Variants in LVRN observed in about 807,000 individuals in gnomAD.
LVRN encodes laeverin.
Under a neutral mutation model 111.4 loss-of-function variants are expected in LVRN, and 99 were observed. The observed-to-expected ratio is 0.89, with a 90% CI of 0.76 to 1.05. The LOEUF is 1.05. LVRN is among the 50% of genes least tolerant of loss of function. The pLI is 0.00. For synonymous variants in LVRN, 488 were observed against 449.5 expected (o/e 1.09, Z -1.08); for missense variants, 1,414 against 1,206.8 (o/e 1.17, Z -2.54).
At chr5:115,984,245 T>C (rs1427725606) in intron 2 of LVRN, among the ~76,000 whole-genome samples, 1 of 152,130 alleles carries the variant, frequency 6.6e-6, no homozygotes, top group Admixed American at 6.6e-5. Context: ...GATTAAGTGT[T>C]GTGAGAAATG....
chr5:115,978,414 A>G (rs1753491688), intron 1 of LVRN, among the ~76,000 whole-genome samples: 1 of 152,182 alleles, frequency 6.6e-6, no homozygotes, highest in Non-Finnish European at 1.5e-5. Flanking sequence ...GATTAGTAAA[A>G]ACACAACTTC....
intron 19 of LVRN, 51 bp from the exon 20 acceptor site, chr5:116,025,927 T>A (rs1366723709): frequency 6.2e-7 from 1 of 1,602,418 alleles, no homozygotes. Flanking sequence ...ATTTACTTTG[T>A]CCAAATGGGA....
intron 6 of LVRN, among the ~76,000 whole-genome samples, chr5:115,996,657 C>A (rs1748120477): frequency 1.3e-5 from 2 of 152,156 alleles, no homozygotes; most frequent in African/African-American, 4.8e-5. Context: ...ATGGATTATG[C>A]TCAAGGGGTC....
At chr5:116,005,602 G>C (rs899294578) in intron 12 of LVRN, among the ~76,000 whole-genome samples, 1 of 152,120 alleles carries the variant, frequency 6.6e-6, no homozygotes, top group African/African-American at 2.4e-5. Context: ...ACTTGTTTTG[G>C]GGAGGCCTTT....
chr5:115,981,051 C>T lies in LVRN; in HGVS notation c.696-2236C>T, dbSNP rs937669821. Among the ~76,000 whole-genome samples, 4 of 152,070 alleles carry T rather than the reference C, an allele frequency of 2.6e-5. No homozygotes were observed. In the East Asian group the frequency reaches 5.8e-4, roughly 22 times the overall value. On this transcript the variant is annotated intron_variant, in intron 1 of 19. Transcript: ENST00000357872. Reference sequence around the variant, plus strand: ...GTTACACAACAGTCTTTACAGATTCCGAGCAAGAATTCAGGTGGCTGAATT... The same window carrying T: ...GTTACACAACAGTCTTTACAGATTCTGAGCAAGAATTCAGGTGGCTGAATT...
intron 19 of LVRN, 70 bp downstream of exon 19, chr5:116,022,536 TA>T (rs1748752750): frequency 2.0e-6 from 2 of 1,020,838 alleles, no homozygotes; most frequent in Non-Finnish European, 1.5e-6. Context: ...TTGGACTTGC[TA>T]AAATTAAAAA....
chr5:116,019,866 A>G (rs1012302754), intron 18 of LVRN: 1 of 152,352 alleles, frequency 6.6e-6, no homozygotes, highest in African/African-American at 2.4e-5. Context: ...GCATGAAGTG[A>G]CCAGTGCTGT....
chr5:115,966,881 T>C lies in LVRN; in HGVS notation c.695+3569T>C, dbSNP rs554553203. Among the ~76,000 whole-genome samples the C allele has an allele frequency of 2.1e-3, 325 of 152,242 alleles. 1 individual carries two copies. The highest frequency in any genetic ancestry group is 4.0e-3 in the Non-Finnish European group (270 of 68,034). On this transcript the variant is annotated intron_variant, in intron 1 of 19. Transcript: ENST00000357872. ...TATCTCATTGTGGTTTTAATTTGCA[T>C]GTCTCCAATGACTAATGATGTTAAA...
At chr5:115,990,926 A>T (rs1477886221) in intron 4 of LVRN, among the ~76,000 whole-genome samples, 2 of 152,164 alleles carry the variant, frequency 1.3e-5, no homozygotes, top group African/African-American at 4.8e-5. Flanking sequence ...TTACAGGAAG[A>T]TTGTGCAAAA....
At chr5:115,969,096 TTCTC>T (rs1204316834) in intron 1 of LVRN, among the ~76,000 whole-genome samples, 3 of 152,184 alleles carry the variant, frequency 2.0e-5, no homozygotes, top group South Asian at 4.1e-4. Flanking sequence ...GGTCTCCTCT[TTCTC>T]TCCTCTTTCT....
At chr5:116,004,498 T>A (rs1748314473) in intron 12 of LVRN, among the ~76,000 whole-genome samples, 1 of 152,220 alleles carries the variant, frequency 6.6e-6, no homozygotes, top group African/African-American at 2.4e-5. Flanking sequence ...CAGCAATCTC[T>A]CTAGCATATT....
chr5:116,011,191 T>TTTG (rs1473256755), intron 14 of LVRN, among the ~76,000 whole-genome samples: 133 of 37,972 alleles, frequency 3.5e-3, no homozygotes, highest in Non-Finnish European at 2.0e-3. Flanking sequence ...GGTATGCCTG[T>TTTG]TTTTTTTTTT....
intron 1 of LVRN, among the ~76,000 whole-genome samples, chr5:115,982,592 G>C (rs756389631): frequency 3.3e-5 from 5 of 152,134 alleles, no homozygotes; most frequent in African/African-American, 1.2e-4. Context: ...GTGTTTGCAG[G>C]GGGTAAACCT....
chr5:115,995,508 G>A (rs532520857), intron 6 of LVRN: 11 of 152,290 alleles, frequency 7.2e-5, no homozygotes, highest in East Asian at 3.9e-4. Flanking sequence ...AAGTTTGGAC[G>A]TCATTATATA....
intron 12 of LVRN, 35 bp downstream of exon 12, chr5:116,003,415 A>C: frequency 7.9e-7 from 1 of 1,266,806 alleles, no homozygotes; most frequent in South Asian, 1.6e-5. Flanking sequence ...ATTAAATATA[A>C]TTTATAATGC....
In LVRN at chr5:115,992,141, G is replaced by A; in HGVS notation, c.1124G>A (p.Ser375Asn). The change falls in exon 5 of 20, where the codon AGT (serine) becomes AAT (asparagine). Residue 375 changes from serine to asparagine, a missense_variant. Coordinates refer to ENST00000357872, the MANE Select transcript of LVRN (RefSeq NM_173800.5). Reference protein sequence around the residue: ...LPKTDIIALPSFDNHAMENWG... With the variant: ...LPKTDIIALPNFDNHAMENWG... ...CACTTAGATATAATTGCCTTGCCTA[G>A]TTTTGACAACCATGCAATGGAAAAC... is the stretch of plus-strand genomic sequence containing the variant. The A allele has an allele frequency of 6.2e-7, 1 of 1,613,070 alleles. No homozygotes were observed. The highest frequency in any genetic ancestry group is 8.5e-7 in the Non-Finnish European group (1 of 1,179,592).
In LVRN at chr5:116,005,987, TC is replaced by T. The variant is rs1251255079; in HGVS notation, c.2093+21del. 1.3e-6 allele frequency: 2 copies of T among 1,568,592 alleles called. No individual in the cohort carries two copies. The highest frequency in any genetic ancestry group is 1.8e-6 in the Non-Finnish European group (2 of 1,140,146). ...GTCTAAGTGAGTATATTTTCTTCTC[TC>T]ATGGTTTCAGAATATACCTTGAGAC... On this transcript the variant is annotated intron_variant, in intron 13 of 19. Coordinates refer to ENST00000357872, the MANE Select transcript of LVRN (RefSeq NM_173800.5).
chr5:116,007,532 G>A (rs1277047698), intron 13 of LVRN, among the ~76,000 whole-genome samples: 1 of 152,094 alleles, frequency 6.6e-6, no homozygotes, highest in African/African-American at 2.4e-5. Context: ...TTTTATATGT[G>A]CATATTTTCC....
At chr5:115,989,799 C>G (rs902660483) in intron 4 of LVRN, among the ~76,000 whole-genome samples, 1 of 152,094 alleles carries the variant, frequency 6.6e-6, no homozygotes, top group Non-Finnish European at 1.5e-5. Flanking sequence ...CAATGAAAAC[C>G]TTATTTTTAT....
Sources: gnomAD v4.1 joint callset for allele counts (sites outside exome capture counted in the v4.1 genomes callset) on GRCh38, gnomAD v4.1.1 for gene constraint, MANE v1.5 for transcripts, NCBI Gene and HGNC (gene_info 2026-07-23, HGNC 2026-07-21) for gene names.